EPN2: variants seen among roughly 807,000 people sequenced by gnomAD.
The protein encoded by EPN2 is epsin-2.
EPN2 carries 34 observed loss-of-function variants against 61.7 expected under a neutral mutation model. That is an observed-to-expected ratio of 0.55 (90% CI 0.42 to 0.73). The LOEUF (loss-of-function observed/expected upper bound fraction) is 0.73, where lower values mean the gene tolerates loss of function less well. EPN2 is among the 30% of genes least tolerant of loss of function. The pLI, the probability that EPN2 is intolerant of heterozygous loss-of-function variation, is 0.00. For missense variants in EPN2, 714 were observed against 839.2 expected, an observed-to-expected ratio of 0.85 and a Z score of 1.84; for synonymous variants, 349 against 353.6, an observed-to-expected ratio of 0.99 and a Z score of 0.15.
At chr17:19,246,598 T>C (rs2044951856) in intron 1 of EPN2, among the ~76,000 whole-genome samples, 1 of 152,074 alleles carries the variant, frequency 6.6e-6, no homozygotes, top group African/African-American at 2.4e-5. Context: ...GGACTTGAGT[T>C]TGTTTTGTGA....
intron 1 of EPN2, among the ~76,000 whole-genome samples, chr17:19,242,956 C>G (rs1452145006): frequency 6.6e-6 from 1 of 152,206 alleles, no homozygotes; most frequent in Non-Finnish European, 1.5e-5. Context: ...GTTAATTTGG[C>G]TTCAAAGGCC....
At position 19,276,886 on chromosome 17, in the gene EPN2, T is replaced by C. The variant is rs1240586081; in HGVS notation, c.-293-5069T>C. On this transcript the variant is annotated intron_variant, in intron 1 of 10. Transcript: ENST00000314728. ...CCACCTCTAACATCCATATCTGGTG[T>C]AGAGGTTCATAAGAAATTATTGTGA... 4.5e-4 allele frequency among the ~76,000 whole-genome samples: 68 copies of C among 151,362 alleles called. 2 individuals are homozygous for C. The highest frequency in any genetic ancestry group is 4.5e-3 in the Admixed American group (68 of 15,188).
intron 1 of EPN2, among the ~76,000 whole-genome samples, chr17:19,266,747 G>C (rs977346737): frequency 6.6e-6 from 1 of 151,792 alleles, no homozygotes; most frequent in Admixed American, 6.6e-5. Context: ...TTCATGGCAT[G>C]ATAGCCAAAA....
chr17:19,295,659 TG>T (rs2045512788), intron 4 of EPN2, among the ~76,000 whole-genome samples: 2 of 152,194 alleles, frequency 1.3e-5, no homozygotes, highest in Non-Finnish European at 2.9e-5. Flanking sequence ...GATTCATAGT[TG>T]TTGTTTTTGT....
At chr17:19,309,748 T>A in intron 4 of EPN2, 137 bp from the exon 5 acceptor site, 1 of 678,894 alleles carries the variant, frequency 1.5e-6, no homozygotes, top group Non-Finnish European at 2.7e-6. Flanking sequence ...TTTCCTTTCC[T>A]CTGCCTGCAT....
intron 1 of EPN2, among the ~76,000 whole-genome samples, chr17:19,261,661 A>G (rs771811594): frequency 5.5e-4 from 83 of 152,174 alleles, no homozygotes; most frequent in Admixed American, 9.2e-4. Flanking sequence ...TTGGCCTTAG[A>G]CACATTTTCG....
At chr17:19,239,146 A>C (rs2044851393) in intron 1 of EPN2, among the ~76,000 whole-genome samples, 1 of 152,048 alleles carries the variant, frequency 6.6e-6, no homozygotes, top group Non-Finnish European at 1.5e-5. Context: ...TAAACTTTTA[A>C]ATTTTTTATT....
intron 7 of EPN2, among the ~76,000 whole-genome samples, chr17:19,325,606 G>A (rs533015131): frequency 6.6e-6 from 1 of 152,224 alleles, no homozygotes; most frequent in East Asian, 1.9e-4. Flanking sequence ...AAGGAAAAAA[G>A]CCTATAGCTA....
At chr17:19,240,466 G>A (rs2044871870) in intron 1 of EPN2, among the ~76,000 whole-genome samples, 1 of 152,096 alleles carries the variant, frequency 6.6e-6, no homozygotes, top group Admixed American at 6.6e-5. Context: ...GGCTGATCTC[G>A]AACTCCTGAC....
intron 9 of EPN2, 22 bp downstream of exon 9, chr17:19,329,669 T>A: frequency 1.4e-6 from 2 of 1,425,992 alleles, no homozygotes; most frequent in South Asian, 1.2e-5. Flanking sequence ...TGATGATGGT[T>A]TCCATAATCC....
chr17:19,289,726 T>TTTG (rs200824694), intron 4 of EPN2, among the ~76,000 whole-genome samples: 1 of 111,714 alleles, frequency 9.0e-6, no homozygotes, highest in Non-Finnish European at 1.7e-5. Context: ...CGCTCATGGT[T>TTTG]TTTTTTTTTT....
chr17:19,297,954 G>A (rs921895467), intron 4 of EPN2, among the ~76,000 whole-genome samples: 1 of 152,132 alleles, frequency 6.6e-6, no homozygotes, highest in Non-Finnish European at 1.5e-5. Context: ...TCGGCTCACT[G>A]CAGCCCTGCC....
intron 1 of EPN2, among the ~76,000 whole-genome samples, chr17:19,280,594 G>A (rs1475601287): frequency 6.6e-6 from 1 of 152,212 alleles, no homozygotes; most frequent in Non-Finnish European, 1.5e-5. Flanking sequence ...CAGAGCAGAT[G>A]TATGGGTTAT....
intron 4 of EPN2, among the ~76,000 whole-genome samples, chr17:19,288,317 A>G (rs952226516): frequency 6.6e-6 from 1 of 152,272 alleles, no homozygotes; most frequent in African/African-American, 2.4e-5. Context: ...TGAGCACAGA[A>G]CAGAGCCCCT....
At chr17:19,245,561 C>G (rs886815543) in intron 1 of EPN2, among the ~76,000 whole-genome samples, 2 of 151,600 alleles carry the variant, frequency 1.3e-5, no homozygotes, top group Admixed American at 1.3e-4. Flanking sequence ...CTCAGCCTCC[C>G]GAGTAGCTGG....
chr17:19,313,834 G>A (rs1906260036), intron 7 of EPN2: 1 of 152,474 alleles, frequency 6.6e-6, no homozygotes, highest in Non-Finnish European at 1.5e-5. Flanking sequence ...AGTTCAAAAT[G>A]TGAGCATGAC....
chr17:19,285,813 T>A lies in EPN2; in HGVS notation c.766+23T>A, dbSNP rs2045399068. On this transcript the variant is annotated intron_variant, in intron 4 of 10. Coordinates refer to ENST00000314728, the MANE Select transcript of EPN2 (RefSeq NM_014964.5). This position sits in a 1 kb window ranked among gnomAD's most constrained non-coding sequence, Gnocchi z 4.5. Reference sequence around the variant, plus strand: ...GAGGTGGGACGGCGGTTTGCTTTTTTCCTTACTAGAAATGCTGGGCAGCTT... The same window carrying A: ...GAGGTGGGACGGCGGTTTGCTTTTTACCTTACTAGAAATGCTGGGCAGCTT... The A allele has an allele frequency of 6.5e-7, 1 of 1,548,722 alleles. No homozygotes were observed. Among genetic ancestry groups the A allele is most frequent in the Non-Finnish European group, 8.7e-7 (1 of 1,142,952 alleles).
chr17:19,256,140 T>C (rs996900843), intron 1 of EPN2, among the ~76,000 whole-genome samples: 3 of 151,938 alleles, frequency 2.0e-5, no homozygotes, highest in African/African-American at 7.3e-5. Flanking sequence ...GGTTTCACCA[T>C]GTTAGCCAGG....
At position 19,313,212 on chromosome 17, in the gene EPN2, T is replaced by C; in HGVS notation, c.1080T>C (p.Thr360=). 2.5e-6 allele frequency: 4 copies of C among 1,607,360 alleles called. No individual in the cohort carries two copies. The highest frequency in any genetic ancestry group is 3.4e-6 in the Non-Finnish European group (4 of 1,177,844). The change falls in exon 7 of 11, where the codon ACT becomes ACC. Residue 360 remains threonine (T), a synonymous_variant. Coordinates refer to ENST00000314728, the MANE Select transcript of EPN2 (RefSeq NM_014964.5). ...AGCCCTGGGGCCCGTCAGCCTCCACTAACCAGACCAACCCCTGGGGCGGGC... is the reference window on the plus strand; with the variant it reads ...AGCCCTGGGGCCCGTCAGCCTCCACCAACCAGACCAACCCCTGGGGCGGGC... ...KAEPWGPSAS[T]NQTNPWGGPA...
Sources: gnomAD v4.1 joint callset for allele counts (sites outside exome capture counted in the v4.1 genomes callset) on GRCh38, gnomAD v4.1.1 for gene constraint, Gnocchi (gnomAD v3.1) non-coding constraint, MANE v1.5 for transcripts, NCBI Gene and HGNC (gene_info 2026-07-23, HGNC 2026-07-21) for gene names.